Variants in ZNF536 observed in about 807,000 individuals in gnomAD.
The protein encoded by ZNF536 is zinc finger protein 536.
A neutral mutation model predicts 84.5 loss-of-function variants in ZNF536; 13 were observed. That is an observed-to-expected ratio of 0.15 (90% CI 0.10 to 0.24). The LOEUF is 0.24. Ranked by LOEUF, ZNF536 falls within the 10% of genes least tolerant of loss-of-function variation. ZNF536 has a pLI of 1.00. For synonymous variants in ZNF536, 811 were observed against 742.5 expected, an observed-to-expected ratio of 1.09 and a Z score of -1.50; for missense variants, 1,536 against 1,747.5, an observed-to-expected ratio of 0.88 and a Z score of 2.16.
intron 2 of ZNF536, among the ~76,000 whole-genome samples, chr19:30,475,528 C>T (rs954528662): frequency 1.3e-5 from 2 of 152,210 alleles, no homozygotes; most frequent in African/African-American, 4.8e-5. Context: ...AGCCATTCCC[C>T]AATTGGCGGG....
chr19:30,659,948 C>T (rs1568645704), intron 1 of ZNF536, among the ~76,000 whole-genome samples: 4 of 148,662 alleles, frequency 2.7e-5, no homozygotes, highest in Non-Finnish European at 4.5e-5. Context: ...CTGTTTGACA[C>T]AAGGGTGTGT....
intron 1 of ZNF536, among the ~76,000 whole-genome samples, chr19:30,692,629 C>G (rs1432693654): frequency 6.6e-6 from 1 of 152,246 alleles, no homozygotes; most frequent in African/African-American, 2.4e-5. Flanking sequence ...AAATCCGTCA[C>G]GTCTTTTCTC....
chr19:30,466,221 T>TA (rs949640153), intron 2 of ZNF536, among the ~76,000 whole-genome samples: 14 of 147,056 alleles, frequency 9.5e-5, no homozygotes, highest in South Asian at 4.4e-4. Context: ...AGACCCTGTC[T>TA]AAAAAAAAAA....
At position 30,557,247 on chromosome 19, in the gene ZNF536, G is replaced by T. The variant is rs553957440; in HGVS notation, c.*83G>T. The T allele has an allele frequency of 9.7e-5, 145 of 1,491,694 alleles. 3 individuals carry two copies. The Admixed American group carries it at 1.8e-3, about 19-fold the overall frequency. The allele number at this position is 1,491,694 out of a possible 1,614,324, so 92.4% of individuals were successfully genotyped here. ...TGGTTATCTGCAGCTTGTTAATCGTGTAAAGTCAAGAGAAGAATGTATACA... is the reference window on the plus strand; with the variant it reads ...TGGTTATCTGCAGCTTGTTAATCGTTTAAAGTCAAGAGAAGAATGTATACA... On this transcript the variant is annotated 3_prime_UTR_variant, in exon 5 of 5. Transcript: ENST00000355537.
At chr19:30,515,824 G>A (rs1363716072) in intron 2 of ZNF536, among the ~76,000 whole-genome samples, 3 of 151,838 alleles carry the variant, frequency 2.0e-5, no homozygotes, top group Non-Finnish European at 4.4e-5. Flanking sequence ...TCAGGAGTTC[G>A]AGACCAGCCT....
upstream of ZNF536, among the ~76,000 whole-genome samples, chr19:30,369,732 T>A (rs1261491480): frequency 6.6e-6 from 1 of 152,230 alleles, no homozygotes; most frequent in African/African-American, 2.4e-5. Flanking sequence ...TCTGTAATTC[T>A]TGAGCAATTT....
chr19:30,359,994 C>T (rs2048222537), intron 3 of ZNF536, among the ~76,000 whole-genome samples: 1 of 152,204 alleles, frequency 6.6e-6, no homozygotes. Flanking sequence ...CTCACCTCTT[C>T]CTGGTCCAGA....
At chr19:30,618,490 T>C (rs973612435) in intron 1 of ZNF536, among the ~76,000 whole-genome samples, 1 of 152,144 alleles carries the variant, frequency 6.6e-6, no homozygotes, top group Non-Finnish European at 1.5e-5. Flanking sequence ...ATATTTTTAT[T>C]AATAGATAAG....
rs957369097 is a variant in ZNF536 at position 30,678,744 on chromosome 19, C to A, written c.170-32013C>A. ...GTACCCACCCCCAAGCCCCCCCACA[C>A]ACACCTATACCCTTACTGTTTAGGC... On this transcript the variant is annotated intron_variant, in intron 1 of 1. Coordinates refer to the ZNF536 transcript ENST00000592773. Among the ~76,000 whole-genome samples, 4 of 141,964 alleles carry A rather than the reference C, an allele frequency of 2.8e-5. 1 individual carries two copies. In the South Asian group the frequency reaches 9.3e-4, roughly 33 times the overall value. 93.1% of individuals were successfully genotyped at this position (141,964 alleles called of 152,430 possible). A position where few individuals can be genotyped will look rare whatever the true frequency, so the allele number is the denominator to read the frequency against.
intron 1 of ZNF536, among the ~76,000 whole-genome samples, chr19:30,694,920 G>A (rs556949405): frequency 1.3e-5 from 2 of 152,300 alleles, no homozygotes; most frequent in African/African-American, 4.8e-5. Context: ...GTGGTTCTTG[G>A]AGATGTGATT....
At chr19:30,567,064 A>T (rs1469295812) in intron 1 of ZNF536, among the ~76,000 whole-genome samples, 1 of 152,040 alleles carries the variant, frequency 6.6e-6, no homozygotes, top group African/African-American at 2.4e-5. Context: ...TGGGCAGTGG[A>T]GGTCCCTGGG....
intron 1 of ZNF536, among the ~76,000 whole-genome samples, chr19:30,653,610 G>T (rs1005020147): frequency 6.6e-6 from 1 of 152,090 alleles, no homozygotes; most frequent in African/African-American, 2.4e-5. Context: ...GGTGGGATCC[G>T]CTCCCTTAGG....
chr19:30,604,619 A>G (rs1241731878), intron 1 of ZNF536, among the ~76,000 whole-genome samples: 2 of 152,196 alleles, frequency 1.3e-5, no homozygotes, highest in Admixed American at 1.3e-4. Flanking sequence ...GCCTTTGATG[A>G]GTTAGCATGA....
chr19:30,496,829 T>C (rs1481663998), intron 2 of ZNF536, among the ~76,000 whole-genome samples: 1 of 151,960 alleles, frequency 6.6e-6, no homozygotes, highest in Non-Finnish European at 1.5e-5. Flanking sequence ...TTTTTAATGA[T>C]AAGCTAGGTC....
At chr19:30,678,650 C>G (rs752665317) in intron 1 of ZNF536, among the ~76,000 whole-genome samples, 2 of 152,162 alleles carry the variant, frequency 1.3e-5, no homozygotes, top group Non-Finnish European at 2.9e-5. Flanking sequence ...CTCCTAGAGC[C>G]AAGCAGGGAG....
chr19:30,594,933 G>A (rs777873398), intron 1 of ZNF536, among the ~76,000 whole-genome samples: 12 of 152,086 alleles, frequency 7.9e-5, no homozygotes, highest in Non-Finnish European at 1.6e-4. Context: ...CAACCCAGGG[G>A]AGCCATGCCT....
chr19:30,438,890 A>T (rs908552101), intron 1 of ZNF536, among the ~76,000 whole-genome samples: 6 of 152,038 alleles, frequency 3.9e-5, no homozygotes, highest in African/African-American at 1.2e-4. Context: ...CATGTTGCTT[A>T]GGGTGATCTC....
chr19:30,524,771 T>G (rs1260875850), intron 2 of ZNF536, among the ~76,000 whole-genome samples: 1 of 152,158 alleles, frequency 6.6e-6, no homozygotes, highest in Non-Finnish European at 1.5e-5. Context: ...ATAGTGTTCT[T>G]TTTTTCTTTC....
At chr19:30,298,830 A>G (rs1205990169) in intron 2 of ZNF536, among the ~76,000 whole-genome samples, 1 of 152,222 alleles carries the variant, frequency 6.6e-6, no homozygotes, top group Non-Finnish European at 1.5e-5. Context: ...TGGATTCTGG[A>G]AGCTTCTTAC....
Sources: gnomAD v4.1 joint callset for allele counts (sites outside exome capture counted in the v4.1 genomes callset) on GRCh38, gnomAD v4.1.1 for gene constraint, MANE v1.5 for transcripts, NCBI Gene and HGNC (gene_info 2026-07-23, HGNC 2026-07-21) for gene names.